WWOX: variants seen among roughly 807,000 people sequenced by gnomAD.
The protein encoded by WWOX is WW domain-containing oxidoreductase.
WWOX carries 69 observed loss-of-function variants against 46.2 expected under a neutral mutation model. The ratio of observed to expected loss-of-function variants is 1.49; its 90% CI spans 1.23 to 1.82. The LOEUF (loss-of-function observed/expected upper bound fraction) is 1.82. WWOX is among the 40% of genes most tolerant of loss of function. WWOX has a pLI of 0.00. For missense variants in WWOX, 919 were observed against 542.6 expected, an observed-to-expected ratio of 1.69 and a Z score of -6.89; for synonymous variants, 359 against 202.6, an observed-to-expected ratio of 1.77 and a Z score of -6.56.
intron 5 of WWOX, among the ~76,000 whole-genome samples, chr16:78,182,298 CAAAGA>C (rs1241980620): frequency 6.6e-6 from 1 of 152,086 alleles, no homozygotes; most frequent in African/African-American, 2.4e-5. Context: ...CAAGTGCTGG[CAAAGA>C]AAAGAAAAGA....
intron 8 of WWOX, among the ~76,000 whole-genome samples, chr16:79,027,242 T>G (rs1397943516): frequency 5.0e-5 from 7 of 141,344 alleles, no homozygotes; most frequent in Non-Finnish European, 9.0e-5. Context: ...ATCATGCCAC[T>G]GCACTTCAGC....
chr16:78,142,656 T>C (rs1186969603), intron 4 of WWOX, among the ~76,000 whole-genome samples: 1 of 152,222 alleles, frequency 6.6e-6, no homozygotes, highest in Non-Finnish European at 1.5e-5. Flanking sequence ...TTTTCCTTGA[T>C]ATACAATATT....
At chr16:79,009,957 C>G (rs999632310) in intron 8 of WWOX, among the ~76,000 whole-genome samples, 1 of 152,152 alleles carries the variant, frequency 6.6e-6, no homozygotes, top group African/African-American at 2.4e-5. Flanking sequence ...TGACCTTGGG[C>G]AAGTCATTGA....
At chr16:78,372,507 T>G (rs2081716219) in intron 5 of WWOX, among the ~76,000 whole-genome samples, 1 of 152,166 alleles carries the variant, frequency 6.6e-6, no homozygotes, top group Non-Finnish European at 1.5e-5. Context: ...AAGAACCTTG[T>G]AGTAAGAGAG....
At chr16:78,837,370 C>T (rs1242470522) in intron 8 of WWOX, among the ~76,000 whole-genome samples, 1 of 152,122 alleles carries the variant, frequency 6.6e-6, no homozygotes, top group East Asian at 1.9e-4. Flanking sequence ...TTGCTTTTTC[C>T]TCTGTGTTTT....
intron 8 of WWOX, among the ~76,000 whole-genome samples, chr16:79,156,330 T>G (rs2050381108): frequency 1.3e-5 from 2 of 152,154 alleles, no homozygotes; most frequent in Non-Finnish European, 2.9e-5. Context: ...TTGGCTAATT[T>G]TTGTGCATTT....
At chr16:79,133,423 C>A (rs534777852) in intron 8 of WWOX, among the ~76,000 whole-genome samples, 5 of 152,324 alleles carry the variant, frequency 3.3e-5, no homozygotes, top group African/African-American at 1.2e-4. Flanking sequence ...GACACACATT[C>A]ATATTGCAGA....
chr16:78,419,748 G>T (rs950434109), intron 6 of WWOX, among the ~76,000 whole-genome samples: 1 of 150,668 alleles, frequency 6.6e-6, no homozygotes, highest in Non-Finnish European at 1.5e-5. Context: ...ATGATTTCTT[G>T]GATACAACCC....
intron 5 of WWOX, among the ~76,000 whole-genome samples, chr16:78,357,355 C>T (rs533431894): frequency 7.2e-4 from 109 of 152,266 alleles, no homozygotes; most frequent in African/African-American, 2.5e-3. Flanking sequence ...CTCCAGAATG[C>T]AAAGGAACCT....
chr16:78,894,721 G>A (rs918580327), intron 8 of WWOX, among the ~76,000 whole-genome samples: 1 of 152,266 alleles, frequency 6.6e-6, no homozygotes, highest in Admixed American at 6.5e-5. Context: ...GGAAGGCCAC[G>A]TTGCAATTAA....
At chr16:78,628,697 G>A (rs536384617) in intron 8 of WWOX, among the ~76,000 whole-genome samples, 6 of 152,064 alleles carry the variant, frequency 3.9e-5, no homozygotes, top group Admixed American at 1.3e-4. Context: ...TGTGAGTGAC[G>A]TGCTAGAATG....
intron 8 of WWOX, among the ~76,000 whole-genome samples, chr16:78,654,151 T>G (rs913761170): frequency 1.3e-5 from 2 of 152,330 alleles, no homozygotes; most frequent in Non-Finnish European, 1.5e-5. Flanking sequence ...GCACAGGATT[T>G]AGAATCAGAA....
rs74318470 is a variant in WWOX at position 78,775,002 on chromosome 16, T to C, written c.1056+342250T>C. On this transcript the variant is annotated intron_variant, in intron 8 of 8. Coordinates refer to ENST00000566780, the MANE Select transcript of WWOX (RefSeq NM_016373.4). Reference sequence around the variant, plus strand: ...GGGGCTGCAGGTAGAACTAGAAAGGTAGGTAAGTTGGGCAGATGGCGAGAG... The same window carrying C: ...GGGGCTGCAGGTAGAACTAGAAAGGCAGGTAAGTTGGGCAGATGGCGAGAG... Among the ~76,000 whole-genome samples, 1,119 of 151,976 alleles carry C rather than the reference T, an allele frequency of 7.4e-3. 3 individuals are homozygous for C. Among genetic ancestry groups the C allele is most frequent in the Non-Finnish European group, 0.011 (724 of 67,966 alleles).
intron 8 of WWOX, among the ~76,000 whole-genome samples, chr16:78,916,278 G>T (rs1287496486): frequency 2.6e-5 from 4 of 152,174 alleles, no homozygotes; most frequent in South Asian, 2.1e-4. Context: ...ACTGCAGGGG[G>T]TATGATGGAT....
chr16:78,240,358 A>G (rs911640849), intron 5 of WWOX, among the ~76,000 whole-genome samples: 4 of 152,050 alleles, frequency 2.6e-5, no homozygotes, highest in African/African-American at 9.7e-5. Flanking sequence ...AAAGGAGGAG[A>G]GGACACAGAG....
In WWOX at chr16:78,610,977, A is replaced by C. The variant is rs570329345; in HGVS notation, c.1056+178225A>C. 1.2e-4 allele frequency among the ~76,000 whole-genome samples: 18 copies of C among 152,260 alleles called. No homozygotes were observed. In the South Asian group the frequency reaches 1.9e-3, roughly 16 times the overall value. On this transcript the variant is annotated intron_variant, in intron 8 of 8. Coordinates refer to ENST00000566780, the MANE Select transcript of WWOX (RefSeq NM_016373.4). ...TGTTTCTTAACATTAAAAACAACAA[A>C]AACAACAACAACAACAAAAAACCAA...
chr16:79,178,201 G>A (rs903442153), intron 8 of WWOX, among the ~76,000 whole-genome samples: 2 of 152,026 alleles, frequency 1.3e-5, no homozygotes, highest in African/African-American at 4.8e-5. Flanking sequence ...AACAACCATG[G>A]ACAATACACA....
rs149024865 is a variant in WWOX, at chr16:79,043,862, G to A, written c.1057-167746G>A. On this transcript the variant is annotated intron_variant, in intron 8 of 8. Transcript: ENST00000566780. ...ATGTAGAGAGCAAACTCTGGAAGTG[G>A]AGTACCTCTGGCCTCCAAGGCCAGT... 5.4e-3 allele frequency among the ~76,000 whole-genome samples: 817 copies of A among 152,322 alleles called. 5 individuals carry two copies. The highest frequency in any genetic ancestry group is 0.025 in the South Asian group (121 of 4,824).
chr16:78,664,691 G>C (rs146633230), intron 8 of WWOX, among the ~76,000 whole-genome samples: 208 of 152,326 alleles, frequency 1.4e-3, no homozygotes, highest in African/African-American at 4.8e-3. Flanking sequence ...ACGGCCAGCA[G>C]AGTAGAAACT....
Sources: gnomAD v4.1 joint callset for allele counts (sites outside exome capture counted in the v4.1 genomes callset) on GRCh38, gnomAD v4.1.1 for gene constraint, MANE v1.5 for transcripts, NCBI Gene and HGNC (gene_info 2026-07-23, HGNC 2026-07-21) for gene names.